The following WNT3A variants were observed in gnomAD, a reference collection of about 807,000 sequenced individuals.
WNT3A encodes the protein Wnt family member 3A, also known as protein Wnt-3a.
WNT3A carries 17 observed loss-of-function variants against 37.0 expected under a neutral mutation model. The ratio of observed to expected loss-of-function variants is 0.46; its 90% confidence interval spans 0.31 to 0.69. The LOEUF (loss-of-function observed/expected upper bound fraction) is 0.69. WNT3A is among the 30% of genes least tolerant of loss of function. WNT3A has a pLI of 0.05. For missense variants in WNT3A, 411 were observed against 510.2 expected (o/e 0.81, Z 1.87); for synonymous variants, 187 against 211.0 (o/e 0.89, Z 0.99).
Position 228,007,087 on chromosome 1 carries a change from C to T in WNT3A, c.-42C>T, listed in dbSNP as rs2030215570. 2 of 1,484,742 alleles carry T rather than the reference C, an allele frequency of 1.3e-6. No homozygotes were observed. The highest frequency in any genetic ancestry group is 1.9e-4 in the Middle Eastern group (1 of 5,304). The allele number at this position is 1,484,742 out of a possible 1,614,324, so 92.0% of individuals were successfully genotyped here. A position where few individuals can be genotyped will look rare whatever the true frequency, so the allele number is the denominator to read the frequency against. On this transcript the variant is annotated 5_prime_UTR_variant, in exon 1 of 4. Coordinates refer to ENST00000284523, the MANE Select transcript of WNT3A (RefSeq NM_033131.4). This position sits in a 1 kb window ranked among gnomAD's most constrained non-coding sequence, Gnocchi z 6.0. Reference sequence around the variant, plus strand: ...CCCGGCCCCCCCCGGCGCTCACGCTCTCGGGGCGGACTCCCGGCCCTCCGC... The same window carrying T: ...CCCGGCCCCCCCCGGCGCTCACGCTTTCGGGGCGGACTCCCGGCCCTCCGC...
rs533732035 is a variant in WNT3A, at chr1:228,039,708, G to A, written c.314-10948G>A. Among the ~76,000 whole-genome samples the A allele has an allele frequency of 5.3e-5, 8 of 152,208 alleles. No individual in the cohort carries two copies. The highest frequency in any genetic ancestry group is 1.9e-4 in the East Asian group (1 of 5,170). On this transcript the variant is annotated intron_variant, in intron 2 of 3. Coordinates refer to ENST00000284523, the MANE Select transcript of WNT3A (RefSeq NM_033131.4). The surrounding 1 kb of genome is among the most constrained non-coding windows in gnomAD (Gnocchi z 4.1). Reference sequence around the variant, plus strand: ...CCAGTTGAACTTGGGTCCCCAGGGCGGCCCTGCAGTGATTCATTGGCCCCC... The same window carrying A: ...CCAGTTGAACTTGGGTCCCCAGGGCAGCCCTGCAGTGATTCATTGGCCCCC...
At chr1:228,027,965 A>C (rs920213336) in intron 2 of WNT3A, among the ~76,000 whole-genome samples, 2 of 152,180 alleles carry the variant, frequency 1.3e-5, no homozygotes, top group African/African-American at 4.8e-5. Flanking sequence ...GTGAGAGATG[A>C]GCATCCAGTT....
Position 228,050,541 on chromosome 1 carries a change from C to G in WNT3A, c.314-115C>G. ...AAGTAAGCCTCTTTGCCTTATACAC[C>G]ACCCAACCTCACGAGTTCCTTTATA... On this transcript the variant is annotated intron_variant, in intron 2 of 3. Coordinates refer to ENST00000284523, the MANE Select transcript of WNT3A (RefSeq NM_033131.4). This position sits in a 1 kb window ranked among gnomAD's most constrained non-coding sequence, Gnocchi z 5.0. 1 of 1,338,684 alleles carries G rather than the reference C, an allele frequency of 7.5e-7. No homozygotes were observed. The highest frequency in any genetic ancestry group is 9.9e-7 in the Non-Finnish European group (1 of 1,005,142). The allele number at this position is 1,338,684 out of a possible 1,614,324, so 82.9% of individuals were successfully genotyped here.
chr1:228,015,012 AAAAAC>A (rs998549818), intron 1 of WNT3A, among the ~76,000 whole-genome samples: 1 of 152,270 alleles, frequency 6.6e-6, no homozygotes, highest in African/African-American at 2.4e-5. Context: ...TTGTTAGGAA[AAAAAC>A]AAAACAAAAC....
At chr1:228,015,222 T>C (rs2030491004) in intron 1 of WNT3A, among the ~76,000 whole-genome samples, 1 of 152,236 alleles carries the variant, frequency 6.6e-6, no homozygotes, top group African/African-American at 2.4e-5. Flanking sequence ...CTTGTGGTGC[T>C]GGTACTGCGA....
intron 2 of WNT3A, among the ~76,000 whole-genome samples, chr1:228,032,499 T>C (rs1238990737): frequency 6.6e-6 from 1 of 152,238 alleles, no homozygotes; most frequent in Non-Finnish European, 1.5e-5. Flanking sequence ...CCCAAATCTA[T>C]GGTCTAGGAG....
chr1:228,035,469 T>C (rs1396765292), intron 2 of WNT3A, among the ~76,000 whole-genome samples: 2 of 152,118 alleles, frequency 1.3e-5, no homozygotes, highest in African/African-American at 4.8e-5. Context: ...GCATACAGTT[T>C]AGGAATCACT....
At chr1:228,013,170 T>C (rs1325254206) in intron 1 of WNT3A, among the ~76,000 whole-genome samples, 2 of 152,126 alleles carry the variant, frequency 1.3e-5, no homozygotes, top group Admixed American at 1.3e-4. Flanking sequence ...ATCTTGGCCT[T>C]GTGAGTAGCT....
At chr1:228,029,747 C>T (rs192214249) in intron 2 of WNT3A, among the ~76,000 whole-genome samples, 3 of 151,406 alleles carry the variant, frequency 2.0e-5, no homozygotes, top group Non-Finnish European at 2.9e-5. Flanking sequence ...CCCACCCCCC[C>T]CCCAATTCCT....
chr1:228,009,989 G>A (rs923680450), intron 1 of WNT3A, among the ~76,000 whole-genome samples: 9 of 152,314 alleles, frequency 5.9e-5, no homozygotes, highest in African/African-American at 2.2e-4. Context: ...AGCTCATCCA[G>A]TGACAGAGAG....
chr1:228,046,114 G>A (rs1471409443), intron 2 of WNT3A, among the ~76,000 whole-genome samples: 1 of 152,260 alleles, frequency 6.6e-6, no homozygotes, highest in Non-Finnish European at 1.5e-5. Flanking sequence ...AGAGCCCGAG[G>A]GGAGGACAAA....
intron 3 of WNT3A, among the ~76,000 whole-genome samples, chr1:228,057,116 G>A (rs1383759001): frequency 6.6e-6 from 1 of 152,182 alleles, no homozygotes; most frequent in Non-Finnish European, 1.5e-5. Context: ...ATCAGTTACA[G>A]GTACATGGAT....
chr1:228,028,086 A>G (rs2030896578), intron 2 of WNT3A, among the ~76,000 whole-genome samples: 1 of 151,986 alleles, frequency 6.6e-6, no homozygotes, highest in Admixed American at 6.6e-5. Context: ...TTGTCTGTAC[A>G]TTTTTGGCTT....
At chr1:228,013,048 T>G (rs2030420534) in intron 1 of WNT3A, among the ~76,000 whole-genome samples, 1 of 152,002 alleles carries the variant, frequency 6.6e-6, no homozygotes, top group Non-Finnish European at 1.5e-5. Flanking sequence ...CCAGCTAATT[T>G]TTGTATATTT....
At chr1:228,049,849 CT>C (rs530445357) in intron 2 of WNT3A, among the ~76,000 whole-genome samples, 3 of 152,270 alleles carry the variant, frequency 2.0e-5, no homozygotes, top group Non-Finnish European at 4.4e-5. Flanking sequence ...GTGACTATAG[CT>C]CACTGCAGCC....
chr1:228,056,022 T>A (rs1039762274), intron 3 of WNT3A, among the ~76,000 whole-genome samples: 7 of 152,198 alleles, frequency 4.6e-5, no homozygotes, highest in Non-Finnish European at 1.0e-4. Flanking sequence ...ACCCTAGTTA[T>A]CCTCCAGGCA....
rs180879975 is a variant in WNT3A at position 228,023,475 on chromosome 1, C to T, written c.313+567C>T. On this transcript the variant is annotated intron_variant, in intron 2 of 3. Transcript: ENST00000284523. ...GAGAGAGAGACAGAGAGGGACAGAG[C>T]GACCAAAAGAGAAAGACACAGAGGA... Among the ~76,000 whole-genome samples, 468 of 147,010 alleles carry T rather than the reference C, an allele frequency of 3.2e-3. 1 individual carries two copies. The highest frequency in any genetic ancestry group is 0.011 in the African/African-American group (434 of 39,832).
intron 2 of WNT3A, among the ~76,000 whole-genome samples, chr1:228,040,803 G>A (rs555954152): frequency 4.6e-5 from 7 of 150,806 alleles, no homozygotes; most frequent in Non-Finnish European, 8.9e-5. Flanking sequence ...GGAGAATGGC[G>A]TGAACCTGGG....
At chr1:228,022,548 G>T in intron 1 of WNT3A, 119 bp from the exon 2 acceptor site, 1 of 1,269,328 alleles carries the variant, frequency 7.9e-7, no homozygotes. Flanking sequence ...TTCCTTCATG[G>T]TGGAAGCTGC....
Sources: gnomAD v4.1 joint callset for allele counts (sites outside exome capture counted in the v4.1 genomes callset) on GRCh38, gnomAD v4.1.1 for gene constraint, Gnocchi (gnomAD v3.1) non-coding constraint, MANE v1.5 for transcripts, NCBI Gene and HGNC (gene_info 2026-07-23, HGNC 2026-07-21) for gene names.